The following SP140L variants were observed in gnomAD, a reference collection of about 807,000 sequenced individuals.
SP140L encodes the protein nuclear body protein SP140-like protein.
SP140L carries 64 observed loss-of-function variants against 84.3 expected under a neutral mutation model. The observed-to-expected ratio is 0.76, with a 90% CI of 0.62 to 0.94. SP140L has a LOEUF of 0.94. Among genes scored for constraint, SP140L ranks in the 40% least tolerant of loss-of-function variants. The probability of loss-of-function intolerance (pLI) is 0.00; values close to 1 mark genes in which losing one functional copy is unlikely to be tolerated. For synonymous variants in SP140L, 242 were observed against 236.9 expected (o/e 1.02, Z -0.20); for missense variants, 628 against 692.5 (o/e 0.91, Z 1.05).
intron 5 of SP140L, among the ~76,000 whole-genome samples, chr2:230,366,710 C>CTATTAT (rs60410770): frequency 0.021 from 2,966 of 144,524 alleles, 52 homozygotes; most frequent in East Asian, 0.072. Flanking sequence ...GGATTATTAT[C>CTATTAT]TATTATTATT....
chr2:230,364,594 A>G (rs899239574), intron 5 of SP140L, among the ~76,000 whole-genome samples: 3 of 152,132 alleles, frequency 2.0e-5, no homozygotes, highest in East Asian at 1.9e-4. Context: ...ATTAAGAACA[A>G]TTTAACTTCT....
Position 230,365,869 on chromosome 2 carries a change from T to G in SP140L, c.523+4172T>G, listed in dbSNP as rs143052371. ...CTCAATATTTTTTTAAATTTCCTTT[T>G]AATTTATTCATTGGCCTATTGGCTG... On this transcript the variant is annotated intron_variant, in intron 5 of 18. Coordinates refer to ENST00000415673, the MANE Select transcript of SP140L (RefSeq NM_138402.6). Among the ~76,000 whole-genome samples, 685 of 152,250 alleles carry G rather than the reference T, an allele frequency of 4.5e-3. 4 individuals carry two copies. Among genetic ancestry groups the G allele is most frequent in the African/African-American group, 0.015 (630 of 41,564 alleles).
At chr2:230,328,623 A>G in intron 1 of SP140L, 134 bp from the exon 2 acceptor site, 1 of 1,162,862 alleles carries the variant, frequency 8.6e-7, no homozygotes. Context: ...AGCTATAATA[A>G]TGATTATATA....
At position 230,371,785 on chromosome 2, in the gene SP140L, A is replaced by C. The variant is rs924525531; in HGVS notation, c.637+134A>C. 3 of 790,538 alleles carry C rather than the reference A, an allele frequency of 3.8e-6. No individual in the cohort carries two copies. In the South Asian group the frequency reaches 4.7e-5, roughly 12 times the overall value. 49.0% of individuals were successfully genotyped at this position (790,538 alleles called of 1,614,324 possible). A position where few individuals can be genotyped will look rare whatever the true frequency, so the allele number is the denominator to read the frequency against. ...GGTAGAGAGAATGATGGCCACCCCA[A>C]AAAACGTCCACCTCCTAATCCCTGG... On this transcript the variant is annotated intron_variant, in intron 7 of 18. Coordinates refer to ENST00000415673, the MANE Select transcript of SP140L (RefSeq NM_138402.6).
chr2:230,366,710 CTATTATTATTATTATTATT>C (rs1364689549), intron 5 of SP140L, among the ~76,000 whole-genome samples: 3 of 144,588 alleles, frequency 2.1e-5, no homozygotes, highest in Non-Finnish European at 4.5e-5. Flanking sequence ...GGATTATTAT[CTATTATTATTATTATTATT>C]ATTATTATTA....
chr2:230,361,987 A>G (rs2149741424), intron 5 of SP140L, among the ~76,000 whole-genome samples: 1 of 152,334 alleles, frequency 6.6e-6, no homozygotes, highest in Non-Finnish European at 1.5e-5. Flanking sequence ...TGATTTAGAA[A>G]GGTCCCTGTG....
chr2:230,345,062 T>A (rs2060169257), intron 2 of SP140L, among the ~76,000 whole-genome samples: 1 of 152,262 alleles, frequency 6.6e-6, no homozygotes, highest in Non-Finnish European at 1.5e-5. Flanking sequence ...TATGATTTTC[T>A]GTCTGATTCA....
rs573900136 is a variant in SP140L at position 230,334,853 on chromosome 2, T to C, written c.107+6022T>C. Among the ~76,000 whole-genome samples, 38 of 152,260 alleles carry C rather than the reference T, an allele frequency of 2.5e-4. 2 individuals are homozygous for C. The highest frequency in any genetic ancestry group is 9.1e-4 in the African/African-American group (38 of 41,580). On this transcript the variant is annotated intron_variant, in intron 2 of 18. Transcript: ENST00000415673. ...GGTGAAATGTAGTTTAGGGTAAGTCTGCAAGCATATTATGCATTTCTTCTA... is the reference window on the plus strand; with the variant it reads ...GGTGAAATGTAGTTTAGGGTAAGTCCGCAAGCATATTATGCATTTCTTCTA...
chr2:230,373,442 A>G (rs1263542483), intron 7 of SP140L, among the ~76,000 whole-genome samples: 2 of 152,184 alleles, frequency 1.3e-5, no homozygotes, highest in Non-Finnish European at 2.9e-5. Flanking sequence ...ACCATTCTGA[A>G]AGTCCTAGGG....
In SP140L at chr2:230,328,790, T is replaced by C. The variant is rs779376874; in HGVS notation, c.66T>C (p.Asn22=). The C allele has an allele frequency of 1.2e-6, 2 of 1,612,780 alleles. No homozygotes were observed. Among genetic ancestry groups the C allele is most frequent in the East Asian group, 2.2e-5 (1 of 44,854 alleles). ...ACGGAGGTGTTTCACAAGTAGCAAA[T>C]GAGATGAACCATCTTCCTGCACACA... ...GLNGGVSQVA[N]EMNHLPAHSQ... Residue 22 remains asparagine, a synonymous_variant, in exon 2 of 19, where the codon AAT becomes AAC. Transcript: ENST00000415673.
At position 230,327,318 on chromosome 2, in the gene SP140L, C is replaced by T. The variant is rs1249003854; in HGVS notation, c.32+17C>T. 2.5e-6 allele frequency: 4 copies of T among 1,608,082 alleles called. No homozygotes were observed. Among genetic ancestry groups the T allele is most frequent in the East Asian group, 2.2e-5 (1 of 44,656 alleles). ...GAGCACCAGGTGAGTCTTTATCTCT[C>T]TTCCTTTCACCTTTATCTCTGGCAG... On this transcript the variant is annotated intron_variant, in intron 1 of 18. Coordinates refer to ENST00000415673, the MANE Select transcript of SP140L (RefSeq NM_138402.6).
chr2:230,393,296 T>A, intron 12 of SP140L, 118 bp from the exon 13 acceptor site: 2 of 1,106,850 alleles, frequency 1.8e-6, no homozygotes, highest in Non-Finnish European at 2.5e-6. Flanking sequence ...TCAGACACAC[T>A]GGGTTTGAGC....
intron 5 of SP140L, among the ~76,000 whole-genome samples, chr2:230,365,010 T>A (rs1185858876): frequency 1.3e-5 from 2 of 152,068 alleles, no homozygotes; most frequent in Non-Finnish European, 2.9e-5. Flanking sequence ...GTGAGTGTGC[T>A]GTTGAATTTG....
At chr2:230,353,830 CTTTATT>C (rs2060438816) in intron 2 of SP140L, among the ~76,000 whole-genome samples, 1 of 151,812 alleles carries the variant, frequency 6.6e-6, no homozygotes, top group South Asian at 2.1e-4. Context: ...TATGTTTGCT[CTTTATT>C]TTTATTTTCA....
chr2:230,359,013 A>T lies in SP140L; in HGVS notation c.320A>T (p.Tyr107Phe). The change falls in exon 4 of 19, where the codon TAC becomes TTC. Residue 107 changes from tyrosine (Y) to phenylalanine (F), a missense_variant. Around this residue, in one of 4 missense-constraint regions of SP140L, gnomAD observed 525 missense variants for 518.4 expected, o/e 1.01. Coordinates refer to ENST00000415673, the MANE Select transcript of SP140L (RefSeq NM_138402.6). ...CTGGTCCCTGTACAAAGAGTGGTGT[A>T]CAATGTTCTCAGTGAACTGGAGAAG... is the stretch of plus-strand genomic sequence containing the variant. ...RNLVPVQRVVYNVLSELEKTF... is the reference protein window; with the variant it reads ...RNLVPVQRVVFNVLSELEKTF... 6.2e-7 allele frequency: 1 copy of T among 1,613,474 alleles called. No homozygotes were observed. Among genetic ancestry groups the T allele is most frequent in the Non-Finnish European group, 8.5e-7 (1 of 1,179,734 alleles).
chr2:230,327,728 A>G (rs2059618904), intron 1 of SP140L, among the ~76,000 whole-genome samples: 1 of 152,188 alleles, frequency 6.6e-6, no homozygotes, highest in Admixed American at 6.5e-5. Context: ...TGTCATGTCA[A>G]AGAAGGTAGT....
Position 230,401,061 on chromosome 2 carries a change from T to C in SP140L, c.1420T>C (p.Leu474=). The change falls in exon 16 of 19, where the codon TTG becomes CTG. Residue 474 remains leucine, a splice_region_variant and synonymous_variant. Transcript: ENST00000415673. ...GAGGCAGATGTGTCCTGAGGAACAG[T>C]TGGTAAATCAGATGCAAACCCCAAG... ...LERQMCPEEQ[L]KCEFLLLKVY... is the part of the protein sequence containing the mutation. 3 of 1,258,864 alleles carry C rather than the reference T, an allele frequency of 2.4e-6. No individual in the cohort carries two copies. Among genetic ancestry groups the C allele is most frequent in the Admixed American group, 2.3e-5 (1 of 43,600 alleles). The allele number at this position is 1,258,864 out of a possible 1,614,324, so 78.0% of individuals were successfully genotyped here.
At chr2:230,378,988 C>CT (rs1335027731) in intron 7 of SP140L, among the ~76,000 whole-genome samples, 1 of 152,082 alleles carries the variant, frequency 6.6e-6, no homozygotes, top group Non-Finnish European at 1.5e-5. Flanking sequence ...GATTTCTTTT[C>CT]TTTTATCATT....
chr2:230,402,883 A>G lies in SP140L; in HGVS notation c.1730A>G (p.Asn577Ser), dbSNP rs760131159. The part of the protein sequence containing the change: ...FKEVFAIQET[N>S]GNS Reference sequence around the variant, plus strand: ...GAAGTGTTTGCTATTCAGGAAACAAATGGGAACAGTTGACTGGTTTAGTGG... The same window carrying G: ...GAAGTGTTTGCTATTCAGGAAACAAGTGGGAACAGTTGACTGGTTTAGTGG... The change falls in exon 19 of 19, where the codon AAT becomes AGT. Residue 577 changes from asparagine to serine, a missense_variant. Physicochemically the swap from Asn to Ser is conservative, Grantham distance 46. Around this residue, in one of 4 missense-constraint regions of SP140L, gnomAD observed 44 missense variants for 36.1 expected, o/e 1.22. Coordinates refer to ENST00000415673, the MANE Select transcript of SP140L (RefSeq NM_138402.6). The G allele has an allele frequency of 1.7e-5, 28 of 1,612,454 alleles. No individual in the cohort carries two copies. In the Admixed American group the frequency reaches 4.2e-4, roughly 24 times the overall value.
Sources: allele counts gnomAD v4.1 joint callset (sites outside exome capture counted in the v4.1 genomes callset), GRCh38; gene constraint gnomAD v4.1.1; regional missense constraint gnomAD v4.1.1; transcripts MANE v1.5; gene names NCBI Gene and HGNC (gene_info 2026-07-23, HGNC 2026-07-21).